MIS18A: variants seen among roughly 807,000 people sequenced by gnomAD.
MIS18A encodes protein Mis18-alpha.
MIS18A carries 14 observed loss-of-function variants against 25.0 expected under a neutral mutation model. The observed-to-expected ratio is 0.56, with a 90% CI of 0.37 to 0.88. The LOEUF (loss-of-function observed/expected upper bound fraction) is 0.88, where lower values mean the gene tolerates loss of function less well. Ranked by LOEUF, MIS18A falls within the 40% of genes least tolerant of loss-of-function variation. The pLI, the probability that MIS18A is intolerant of heterozygous loss-of-function variation, is 0.00. For missense variants in MIS18A, 292 were observed against 290.8 expected, an observed-to-expected ratio of 1.00 and a Z score of -0.03; for synonymous variants, 134 against 118.6, an observed-to-expected ratio of 1.13 and a Z score of -0.84.
chr21:32,274,372 T>C (rs530444221), intron 2 of MIS18A, among the ~76,000 whole-genome samples: 223 of 152,002 alleles, frequency 1.5e-3, no homozygotes, highest in Non-Finnish European at 2.4e-3. Flanking sequence ...GCCCGGCTAA[T>C]TTGTGTATTT....
chr21:32,269,723 T>C lies in MIS18A; in HGVS notation c.605A>G (p.Glu202Gly). 2 of 1,600,432 alleles carry C rather than the reference T, an allele frequency of 1.2e-6. No homozygotes were observed. Among genetic ancestry groups the C allele is most frequent in the Non-Finnish European group, 1.7e-6 (2 of 1,167,570 alleles). ...TAAAATTACCTGTGTTAGAGACTTT[T>C]CTATTTCAACTCTGCTTTCAAGATT... ...LFNLESRVEI[E>G]KSLTQMEDVL... is the part of the protein sequence containing the mutation. Residue 202 changes from glutamate to glycine, a missense_variant, in exon 4 of 5, where the codon GAA becomes GGA. Transcript: ENST00000290130.
chr21:32,270,003 G>A (rs1286685740), intron 3 of MIS18A, among the ~76,000 whole-genome samples, 200 bp from the exon 4 acceptor site: 1 of 152,136 alleles, frequency 6.6e-6, no homozygotes, highest in East Asian at 1.9e-4. Flanking sequence ...GAGCCCAGGA[G>A]TTCAAGGATG....
At chr21:32,178,367 T>A in the MIS18A span, among the ~76,000 whole-genome samples, 1 of 152,224 alleles carries the variant, frequency 6.6e-6, no homozygotes, top group East Asian at 1.9e-4. Flanking sequence ...AGTCATTGTT[T>A]TCTTAGGTTT....
chr21:32,159,364 T>C, the MIS18A span, among the ~76,000 whole-genome samples: 6 of 152,366 alleles, frequency 3.9e-5, no homozygotes, highest in South Asian at 1.2e-3. Context: ...TTTACTTTAG[T>C]AATAAAACTT....
chr21:32,181,078 G>A, the MIS18A span, among the ~76,000 whole-genome samples: 13 of 152,168 alleles, frequency 8.5e-5, no homozygotes, highest in African/African-American at 3.1e-4. Context: ...GAATCAAGCA[G>A]ATGGCCCTCC....
chr21:32,227,857 A>C, the MIS18A span, among the ~76,000 whole-genome samples: 1 of 152,212 alleles, frequency 6.6e-6, no homozygotes, highest in Non-Finnish European at 1.5e-5. Flanking sequence ...ACTGTGACCA[A>C]ATGAGATTTA....
the MIS18A span, among the ~76,000 whole-genome samples, chr21:32,187,162 C>A: frequency 6.6e-6 from 1 of 152,188 alleles, no homozygotes; most frequent in Non-Finnish European, 1.5e-5. Context: ...AATAACCCGC[C>A]AACGATGACA....
chr21:32,250,966 C>G, the MIS18A span, among the ~76,000 whole-genome samples: 1 of 152,300 alleles, frequency 6.6e-6, no homozygotes, highest in East Asian at 1.9e-4. Context: ...TACCTCCATG[C>G]TATTCTCATA....
At chr21:32,168,897 T>C in the MIS18A span, among the ~76,000 whole-genome samples, 2 of 152,138 alleles carry the variant, frequency 1.3e-5, no homozygotes, top group African/African-American at 4.8e-5. Flanking sequence ...TTAATCAGTG[T>C]AAACAATCTA....
the MIS18A span, among the ~76,000 whole-genome samples, chr21:32,242,658 ATT>A: frequency 6.6e-6 from 1 of 151,978 alleles, no homozygotes; most frequent in African/African-American, 2.4e-5. Context: ...ATCATTAGTC[ATT>A]TTTTTCCCCA....
At chr21:32,212,174 CT>C in the MIS18A span, among the ~76,000 whole-genome samples, 2 of 152,110 alleles carry the variant, frequency 1.3e-5, no homozygotes, top group Non-Finnish European at 2.9e-5. Context: ...ACCCAGTATG[CT>C]TTTTATTTGA....
the MIS18A span, among the ~76,000 whole-genome samples, chr21:32,179,225 C>A: frequency 6.6e-6 from 1 of 152,046 alleles, no homozygotes; most frequent in South Asian, 2.1e-4. Flanking sequence ...AAATTAGGAA[C>A]TCTCTAGACT....
At chr21:32,205,198 G>A in the MIS18A span, among the ~76,000 whole-genome samples, 1 of 128,482 alleles carries the variant, frequency 7.8e-6, no homozygotes, top group Non-Finnish European at 1.6e-5. Flanking sequence ...TCCGCCTCCC[G>A]AGTTCACACC....
downstream of MIS18A, among the ~76,000 whole-genome samples, chr21:32,265,722 G>C (rs1006220087): frequency 5.9e-5 from 9 of 152,372 alleles, no homozygotes; most frequent in African/African-American, 1.2e-4. Flanking sequence ...TGCGAGCACA[G>C]GGCACAGGAC....
At chr21:32,273,162 G>T (rs1335345773) in intron 2 of MIS18A, among the ~76,000 whole-genome samples, 1 of 150,438 alleles carries the variant, frequency 6.6e-6, no homozygotes, top group Non-Finnish European at 1.5e-5. Flanking sequence ...TAGGGCAAAG[G>T]TTACAGAAGG....
In MIS18A at chr21:32,269,772, C is replaced by A; in HGVS notation, c.556G>T (p.Val186Leu). ...YVLGSSEKQI[V>L]SEDKELFNLE... ...TTAAAAAGCTCTTTATCTTCTGACA[C>A]AATTTGCTTTTCAGAGGACCCTAAA... The change falls in exon 4 of 5, where the codon GTG becomes TTG. Residue 186 changes from valine (V) to leucine (L), a missense_variant. Val to Leu is a conservative substitution (Grantham distance 32). Transcript: ENST00000290130. The A allele has an allele frequency of 6.2e-7, 1 of 1,611,922 alleles. No individual in the cohort carries two copies. Among genetic ancestry groups the A allele is most frequent in the Non-Finnish European group, 8.5e-7 (1 of 1,177,988 alleles).
chr21:32,256,118 T>C, the MIS18A span, among the ~76,000 whole-genome samples: 1 of 152,204 alleles, frequency 6.6e-6, no homozygotes, highest in African/African-American at 2.4e-5. Flanking sequence ...ATTTTTTTGA[T>C]GTCTACTATG....
rs183778093 is a variant in MIS18A at position 32,277,150 on chromosome 21, T to A, written c.334+1531A>T. Among the ~76,000 whole-genome samples, 528 of 152,266 alleles carry A rather than the reference T, an allele frequency of 3.5e-3. 3 individuals carry two copies. Among genetic ancestry groups the A allele is most frequent in the African/African-American group, 0.012 (490 of 41,548 alleles). On this transcript the variant is annotated intron_variant, in intron 1 of 4. Transcript: ENST00000290130. ...CTTTACTGGGGGGTGTGGGGAGGTG[T>A]TAAATCCTATTATCTAAATCTGATA... is the stretch of plus-strand genomic sequence containing the variant.
chr21:32,235,505 C>A, the MIS18A span, among the ~76,000 whole-genome samples: 1 of 152,158 alleles, frequency 6.6e-6, no homozygotes, highest in Admixed American at 6.5e-5. Context: ...TTCAGGGAAC[C>A]CAACACAGTG....
Sources: allele counts gnomAD v4.1 joint callset (sites outside exome capture counted in the v4.1 genomes callset), GRCh38; gene constraint gnomAD v4.1.1; transcripts MANE v1.5; gene names NCBI Gene and HGNC (gene_info 2026-07-23, HGNC 2026-07-21).